Variants in CCBE1 observed in about 807,000 individuals in gnomAD.
CCBE1 encodes the protein collagen and calcium-binding EGF domain-containing protein 1.
CCBE1 carries 37 observed loss-of-function variants against 50.0 expected under a neutral mutation model. That is an observed-to-expected ratio of 0.74 (90% CI 0.57 to 0.97). The LOEUF is 0.97. Among genes scored for constraint, CCBE1 ranks in the 50% least tolerant of loss-of-function variants. CCBE1 has a pLI of 0.00. For synonymous variants in CCBE1, 234 were observed against 203.7 expected, an observed-to-expected ratio of 1.15 and a Z score of -1.27; for missense variants, 538 against 523.8, an observed-to-expected ratio of 1.03 and a Z score of -0.26.
chr18:59,605,167 C>T (rs2144569240), intron 2 of CCBE1, among the ~76,000 whole-genome samples: 1 of 152,282 alleles, frequency 6.6e-6, no homozygotes, highest in East Asian at 1.9e-4. Context: ...CCCTAGGAGG[C>T]ACAGCAGGGA....
At chr18:59,494,873 A>G (rs8086973) in intron 2 of CCBE1, among the ~76,000 whole-genome samples, 47,842 of 152,086 alleles carry the variant, frequency 0.31, 8,076 homozygotes, top group African/African-American at 0.43. Flanking sequence ...CCAGGGAGGG[A>G]CCAGGTGCTG....
At chr18:59,493,660 T>C (rs1913215499) in intron 2 of CCBE1, among the ~76,000 whole-genome samples, 1 of 152,148 alleles carries the variant, frequency 6.6e-6, no homozygotes, top group Non-Finnish European at 1.5e-5. Context: ...ACCTCTTCCC[T>C]GAACTGCGTG....
At chr18:59,450,516 A>T (rs992088494) in intron 6 of CCBE1, among the ~76,000 whole-genome samples, 3 of 152,122 alleles carry the variant, frequency 2.0e-5, no homozygotes, top group Non-Finnish European at 2.9e-5. Context: ...CATTAAACCA[A>T]GCGGCAACCT....
At chr18:59,674,031 T>C (rs1467280896) in intron 2 of CCBE1, among the ~76,000 whole-genome samples, 1 of 152,216 alleles carries the variant, frequency 6.6e-6, no homozygotes, top group Non-Finnish European at 1.5e-5. Context: ...CAGCTCCTCT[T>C]TGTACCTCTG....
chr18:59,510,026 C>T (rs1914064331), intron 2 of CCBE1, among the ~76,000 whole-genome samples: 1 of 152,200 alleles, frequency 6.6e-6, no homozygotes. Context: ...CACCAAGCTG[C>T]ACTGGTGCTG....
chr18:59,494,906 C>A (rs12957165), intron 2 of CCBE1, among the ~76,000 whole-genome samples: 3,289 of 152,224 alleles, frequency 0.022, 142 homozygotes, highest in East Asian at 0.21. Flanking sequence ...GTAATCCTAG[C>A]ACTTTGGGAG....
At chr18:59,514,095 C>T (rs1409496223) in intron 2 of CCBE1, among the ~76,000 whole-genome samples, 1 of 152,140 alleles carries the variant, frequency 6.6e-6, no homozygotes, top group Non-Finnish European at 1.5e-5. Context: ...ATATGCCTAT[C>T]GCAAATTTGT....
chr18:59,554,558 T>A (rs2052628476), intron 2 of CCBE1, among the ~76,000 whole-genome samples: 1 of 152,324 alleles, frequency 6.6e-6, no homozygotes, highest in Non-Finnish European at 1.5e-5. Flanking sequence ...GTTGTCCCCA[T>A]TCGCCTTTGA....
intron 3 of CCBE1, among the ~76,000 whole-genome samples, chr18:59,470,665 A>G (rs1241132950): frequency 6.6e-6 from 1 of 152,120 alleles, no homozygotes; most frequent in Non-Finnish European, 1.5e-5. Flanking sequence ...CTGATATGTA[A>G]TGAGCCTCTG....
intron 2 of CCBE1, among the ~76,000 whole-genome samples, chr18:59,656,286 A>G (rs143366772): frequency 2.0e-5 from 3 of 152,346 alleles, no homozygotes; most frequent in African/African-American, 7.2e-5. Flanking sequence ...GTACTTAATG[A>G]AACAAGAAAG....
At chr18:59,597,444 C>T (rs560635746) in intron 2 of CCBE1, among the ~76,000 whole-genome samples, 2 of 152,154 alleles carry the variant, frequency 1.3e-5, no homozygotes, top group African/African-American at 4.8e-5. Context: ...CCTATTTAAT[C>T]TTTACAGCAA....
chr18:59,663,742 G>A (rs2054316520), intron 2 of CCBE1, among the ~76,000 whole-genome samples: 2 of 152,156 alleles, frequency 1.3e-5, no homozygotes, highest in Admixed American at 6.6e-5. Context: ...AGTGGCAGTA[G>A]GGATGTACAG....
At chr18:59,449,337 G>T (rs556629080) in intron 6 of CCBE1, among the ~76,000 whole-genome samples, 29 of 151,784 alleles carry the variant, frequency 1.9e-4, no homozygotes, top group African/African-American at 6.5e-4. Context: ...ATGCTGTCTG[G>T]GGGCCTGGGC....
intron 2 of CCBE1, among the ~76,000 whole-genome samples, chr18:59,588,165 G>T (rs2053204725): frequency 1.3e-5 from 2 of 152,150 alleles, no homozygotes; most frequent in Non-Finnish European, 2.9e-5. Flanking sequence ...GGTTTTTGAG[G>T]TATAGCCTAT....
chr18:59,567,902 C>T (rs1568210786), intron 2 of CCBE1, among the ~76,000 whole-genome samples: 1 of 152,214 alleles, frequency 6.6e-6, no homozygotes, highest in African/African-American at 2.4e-5. Context: ...GCATCCATCC[C>T]TTTCCTAATG....
chr18:59,617,432 A>T (rs901425252), intron 2 of CCBE1, among the ~76,000 whole-genome samples: 20 of 152,236 alleles, frequency 1.3e-4, no homozygotes, highest in African/African-American at 4.8e-4. Flanking sequence ...TCATCTTAAA[A>T]CTTGCCCAAA....
intron 6 of CCBE1, among the ~76,000 whole-genome samples, chr18:59,452,527 A>G (rs1415867081): frequency 6.6e-6 from 1 of 152,208 alleles, no homozygotes; most frequent in Admixed American, 6.5e-5. Context: ...TGGGAGGCAG[A>G]GGTTGCAGTG....
At chr18:59,482,196 T>A (rs1399416669) in intron 2 of CCBE1, among the ~76,000 whole-genome samples, 1 of 152,240 alleles carries the variant, frequency 6.6e-6, no homozygotes, top group Non-Finnish European at 1.5e-5. Context: ...CTTTCATCCA[T>A]GTCCCTGCAA....
intron 4 of CCBE1, among the ~76,000 whole-genome samples, chr18:59,468,396 C>T (rs769690730): frequency 6.6e-6 from 1 of 151,564 alleles, no homozygotes; most frequent in Non-Finnish European, 1.5e-5. Context: ...AAAATAAATG[C>T]ATAAAGAATA....
Sources: allele counts gnomAD v4.1 joint callset (sites outside exome capture counted in the v4.1 genomes callset), GRCh38; gene constraint gnomAD v4.1.1; transcripts MANE v1.5; gene names NCBI Gene and HGNC (gene_info 2026-07-23, HGNC 2026-07-21).